The following CMKLR2 variants were observed in gnomAD, a reference collection of about 807,000 sequenced individuals.
CMKLR2 encodes the protein chemerin-like receptor 2.
In CMKLR2, 18 loss-of-function variants were observed where a neutral mutation model predicts 23.0. The ratio of observed to expected loss-of-function variants is 0.78; its 90% CI spans 0.54 to 1.16. The LOEUF is 1.16. Ranked by LOEUF, CMKLR2 falls within the 50% of genes most tolerant of loss-of-function variation. The pLI, the probability that CMKLR2 is intolerant of heterozygous loss-of-function variation, is 0.00. For missense variants in CMKLR2, 401 were observed against 412.7 expected (o/e 0.97, Z 0.25); for synonymous variants, 158 against 158.9 (o/e 0.99, Z 0.05).
chr2:206,195,879 G>A (rs964096837), intron 1 of CMKLR2, among the ~76,000 whole-genome samples: 1 of 150,018 alleles, frequency 6.7e-6, no homozygotes, highest in Admixed American at 6.6e-5. Context: ...CCTTGAACCT[G>A]GGAGGCGGAG....
At chr2:206,188,878 C>T (rs944903776) in intron 1 of CMKLR2, among the ~76,000 whole-genome samples, 2 of 152,094 alleles carry the variant, frequency 1.3e-5, no homozygotes, top group African/African-American at 4.8e-5. Context: ...AGAGTTCTGG[C>T]AGAAAGTGTA....
At chr2:206,194,482 A>C (rs1688854230) in intron 1 of CMKLR2, among the ~76,000 whole-genome samples, 1 of 137,380 alleles carries the variant, frequency 7.3e-6, no homozygotes, top group African/African-American at 2.8e-5. Context: ...TTTTGGTGAC[A>C]GAATATCGCT....
chr2:206,182,611 C>A (rs1445471665), intron 1 of CMKLR2, among the ~76,000 whole-genome samples: 2 of 151,994 alleles, frequency 1.3e-5, no homozygotes, highest in Non-Finnish European at 2.9e-5. Flanking sequence ...AGACTCTCTC[C>A]AACCTTGACC....
chr2:206,198,957 A>G (rs1216942637), intron 1 of CMKLR2, among the ~76,000 whole-genome samples: 1 of 152,214 alleles, frequency 6.6e-6, no homozygotes, highest in Non-Finnish European at 1.5e-5. Flanking sequence ...CAGTGCCCAG[A>G]ACAGCTGTAG....
At chr2:206,206,255 G>A (rs1417073197) in intron 1 of CMKLR2, among the ~76,000 whole-genome samples, 1 of 152,146 alleles carries the variant, frequency 6.6e-6, no homozygotes. Flanking sequence ...GTATGTGTGT[G>A]TTAATAGGGA....
Position 206,203,609 on chromosome 2 carries a change from C to T in CMKLR2, c.-29+9698G>A, listed in dbSNP as rs547801016. ...GAAGCTCCGCGCCCCTTCCCACAGA[C>T]CTTGTCCCGTGCATCGCTTCCATCC... On this transcript the variant is annotated intron_variant, in intron 1 of 1. Transcript: ENST00000621141. 9.2e-5 allele frequency: 14 copies of T among 152,412 alleles called. 1 individual carries two copies. The highest frequency in any genetic ancestry group is 3.4e-4 in the African/African-American group (14 of 41,594). The allele number at this position is 152,412 out of a possible 1,614,324, so 9.4% of individuals were successfully genotyped here.
rs1045189849 is a variant in CMKLR2, at chr2:206,182,969, C to G, written c.-28-5694G>C. Among the ~76,000 whole-genome samples the G allele has an allele frequency of 3.3e-5, 5 of 152,096 alleles. 1 individual carries two copies. In the South Asian group the frequency reaches 1.0e-3, roughly 32 times the overall value. On this transcript the variant is annotated intron_variant, in intron 1 of 1. Transcript: ENST00000621141. ...TGGCTTATTCCTGGACACCAAATCCCTTCCTTCGTGTGTCCTATTCCAGTG... is the reference window on the plus strand; with the variant it reads ...TGGCTTATTCCTGGACACCAAATCCGTTCCTTCGTGTGTCCTATTCCAGTG...
At chr2:206,178,918 G>A (rs868623020) in intron 1 of CMKLR2, among the ~76,000 whole-genome samples, 3 of 151,806 alleles carry the variant, frequency 2.0e-5, no homozygotes, top group Non-Finnish European at 4.4e-5. Flanking sequence ...CAAAGTGCTG[G>A]GATTACAGGT....
At chr2:206,192,304 TTA>T (rs1228358642) in intron 1 of CMKLR2, among the ~76,000 whole-genome samples, 2 of 147,548 alleles carry the variant, frequency 1.4e-5, no homozygotes, top group Admixed American at 7.1e-5. Context: ...AAAAATTTAT[TTA>T]TTTTTTTTTT....
intron 1 of CMKLR2, among the ~76,000 whole-genome samples, chr2:206,182,207 T>C (rs1415548872): frequency 6.6e-6 from 1 of 152,106 alleles, no homozygotes; most frequent in African/African-American, 2.4e-5. Flanking sequence ...ATTGGTCTCA[T>C]TTTTAACAAA....
intron 1 of CMKLR2, among the ~76,000 whole-genome samples, chr2:206,211,828 C>CT (rs370176400): frequency 0.02 from 2,164 of 106,382 alleles, 79 homozygotes; most frequent in African/African-American, 0.032. Context: ...ATCTGAGTCA[C>CT]TTTTTTTTTT....
At chr2:206,179,055 C>T (rs191649855) in intron 1 of CMKLR2, among the ~76,000 whole-genome samples, 13 of 49,318 alleles carry the variant, frequency 2.6e-4, no homozygotes, top group African/African-American at 5.6e-4. Context: ...CTCCCTGTCC[C>T]TTTTTTTTTT....
At chr2:206,215,841 G>A (rs557014689), upstream of CMKLR2, among the ~76,000 whole-genome samples, 9 of 152,310 alleles carry the variant, frequency 5.9e-5, no homozygotes, top group South Asian at 1.2e-3. Flanking sequence ...TGGTGCATTG[G>A]TTAAGCTGGT....
intron 1 of CMKLR2, among the ~76,000 whole-genome samples, chr2:206,193,229 G>A (rs955656342): frequency 3.3e-5 from 5 of 152,138 alleles, no homozygotes; most frequent in African/African-American, 1.2e-4. Flanking sequence ...CTCCTGAGTA[G>A]CTAGGATTAC....
chr2:206,180,734 C>CATTAATATTATTATTATT (rs1553513111), intron 1 of CMKLR2, among the ~76,000 whole-genome samples: 9 of 130,562 alleles, frequency 6.9e-5, no homozygotes, highest in African/African-American at 2.6e-4. Flanking sequence ...GTGCCCAGCC[C>CATTAATATTATTATTATT]ATTATTATTA....
At chr2:206,192,309 T>TA (rs1449491943) in intron 1 of CMKLR2, among the ~76,000 whole-genome samples, 30 of 149,680 alleles carry the variant, frequency 2.0e-4, no homozygotes, top group African/African-American at 7.0e-4. Flanking sequence ...TTTATTTATT[T>TA]TTTTTTTATT....
At chr2:206,198,486 C>G (rs959645557) in intron 1 of CMKLR2, among the ~76,000 whole-genome samples, 1 of 152,100 alleles carries the variant, frequency 6.6e-6, no homozygotes, top group Non-Finnish European at 1.5e-5. Context: ...ATGGCAGCAC[C>G]GTATATTCTA....
intron 1 of CMKLR2, among the ~76,000 whole-genome samples, chr2:206,202,866 C>T (rs1267731175): frequency 6.6e-6 from 1 of 152,036 alleles, no homozygotes; most frequent in African/African-American, 2.4e-5. Flanking sequence ...CCCCTCCATC[C>T]ACTGTACCCA....
intron 1 of CMKLR2, among the ~76,000 whole-genome samples, chr2:206,201,538 C>G (rs554833849): frequency 6.6e-6 from 1 of 152,118 alleles, no homozygotes; most frequent in Non-Finnish European, 1.5e-5. Flanking sequence ...AAGGGCATCA[C>G]AATTAGTGCC....
Sources: gnomAD v4.1 joint callset for allele counts (sites outside exome capture counted in the v4.1 genomes callset) on GRCh38, gnomAD v4.1.1 for gene constraint, MANE v1.5 for transcripts, NCBI Gene and HGNC (gene_info 2026-07-23, HGNC 2026-07-21) for gene names.